Variants in ASCC3 observed in about 807,000 individuals in gnomAD.
ASCC3 encodes the protein ASC-1 complex subunit P200.
Under a neutral mutation model 256.3 loss-of-function variants are expected in ASCC3, and 158 were observed. The ratio of observed to expected loss-of-function variants is 0.62; its 90% CI spans 0.54 to 0.70. The LOEUF is 0.70. ASCC3 is among the 30% of genes least tolerant of loss of function. ASCC3 has a pLI of 0.00. For synonymous variants in ASCC3, 948 were observed against 883.4 expected (o/e 1.07, Z -1.30); for missense variants, 2,259 against 2,626.0 (o/e 0.86, Z 3.05).
chr6:100,761,903 C>T (rs1781438665), intron 10 of ASCC3, among the ~76,000 whole-genome samples: 1 of 152,150 alleles, frequency 6.6e-6, no homozygotes, highest in Non-Finnish European at 1.5e-5. Context: ...TCTCCAACTA[C>T]CCTTTATTCC....
chr6:100,864,032 T>TAAA (rs201325406), intron 3 of ASCC3, 32 bp downstream of exon 3: 40 of 1,194,418 alleles, frequency 3.3e-5, no homozygotes, highest in East Asian at 8.1e-5. Context: ...TGGTTCTCTT[T>TAAA]AAAAAAAAAA....
intron 3 of ASCC3, among the ~76,000 whole-genome samples, chr6:100,855,515 TAA>T (rs938073050): frequency 1.3e-5 from 2 of 152,226 alleles, no homozygotes; most frequent in Non-Finnish European, 2.9e-5. Context: ...TTGATTTTTA[TAA>T]AGTTATCCAG....
At chr6:100,728,017 A>G (rs1380587737) in intron 10 of ASCC3, among the ~76,000 whole-genome samples, 1 of 152,142 alleles carries the variant, frequency 6.6e-6, no homozygotes, top group Non-Finnish European at 1.5e-5. Flanking sequence ...CAAATATAAC[A>G]TTATTCTCTA....
chr6:100,756,609 A>C (rs946907713), intron 10 of ASCC3, among the ~76,000 whole-genome samples: 1 of 152,128 alleles, frequency 6.6e-6, no homozygotes, highest in Non-Finnish European at 1.5e-5. Flanking sequence ...GTAACGTTAT[A>C]CATGTATATA....
chr6:100,627,780 TAAA>T, intron 28 of ASCC3, 59 bp downstream of exon 28: 4 of 1,610,268 alleles, frequency 2.5e-6, no homozygotes, highest in Non-Finnish European at 3.4e-6. Context: ...TAATATCTCT[TAAA>T]AGGAATCATC....
intron 3 of ASCC3, chr6:100,858,457 G>T: frequency 1.8e-6 from 1 of 559,798 alleles, no homozygotes; most frequent in Non-Finnish European, 2.3e-6. Context: ...GTTTTTTATA[G>T]CTACAGCTTA....
At chr6:100,628,100 AAAC>A in intron 27 of ASCC3, 113 bp from the exon 28 acceptor site, 1 of 1,156,464 alleles carries the variant, frequency 8.6e-7, no homozygotes, top group Non-Finnish European at 1.2e-6. Flanking sequence ...ACAAAAAAAA[AAAC>A]AAAAAAAAAG....
At chr6:100,846,513 T>C (rs1238802826) in intron 4 of ASCC3, among the ~76,000 whole-genome samples, 2 of 152,192 alleles carry the variant, frequency 1.3e-5, no homozygotes, top group East Asian at 3.8e-4. Flanking sequence ...TGAACCAGAC[T>C]ATGCAGACTT....
intron 8 of ASCC3, among the ~76,000 whole-genome samples, chr6:100,788,510 C>T (rs768590766): frequency 1.3e-5 from 2 of 151,638 alleles, no homozygotes; most frequent in Non-Finnish European, 2.9e-5. Flanking sequence ...AATACCTGTA[C>T]ATGAACAGTT....
intron 10 of ASCC3, among the ~76,000 whole-genome samples, chr6:100,755,681 G>A (rs1781145536): frequency 6.6e-6 from 1 of 151,912 alleles, no homozygotes. Context: ...CTGTTCTAGA[G>A]TATAATAAAA....
chr6:100,833,959 T>C (rs1039547967), intron 4 of ASCC3, among the ~76,000 whole-genome samples: 4 of 152,058 alleles, frequency 2.6e-5, no homozygotes, highest in Non-Finnish European at 5.9e-5. Flanking sequence ...GTGCCTGTAA[T>C]CCCAGTTACT....
intron 3 of ASCC3, chr6:100,858,592 C>A (rs1455545407): frequency 1.3e-5 from 13 of 986,320 alleles, no homozygotes; most frequent in Non-Finnish European, 1.6e-5. Context: ...TATTACTTTA[C>A]AACAAATCAC....
At chr6:100,570,351 C>A (rs1770522915) in intron 36 of ASCC3, among the ~76,000 whole-genome samples, 1 of 152,170 alleles carries the variant, frequency 6.6e-6, no homozygotes, top group South Asian at 2.1e-4. Context: ...GGCATCCTTG[C>A]CTCATTCCAG....
At chr6:100,676,750 GCACA>G (rs972039297) in intron 14 of ASCC3, among the ~76,000 whole-genome samples, 4 of 115,268 alleles carry the variant, frequency 3.5e-5, no homozygotes, top group Non-Finnish European at 7.3e-5. Flanking sequence ...GCGCGTGCGC[GCACA>G]CACACACTCA....
At chr6:100,741,506 G>A (rs1000717399) in intron 10 of ASCC3, among the ~76,000 whole-genome samples, 1 of 152,024 alleles carries the variant, frequency 6.6e-6, no homozygotes, top group Non-Finnish European at 1.5e-5. Context: ...TCCCCATCTC[G>A]TTTAGGTACC....
At chr6:100,723,846 A>G (rs911675011) in intron 11 of ASCC3, among the ~76,000 whole-genome samples, 1 of 133,326 alleles carries the variant, frequency 7.5e-6, no homozygotes, top group African/African-American at 2.8e-5. Context: ...ATATGGCCAG[A>G]AGTTATTAGG....
chr6:100,579,536 G>A (rs577188346), intron 36 of ASCC3, among the ~76,000 whole-genome samples: 4 of 152,134 alleles, frequency 2.6e-5, no homozygotes, highest in Admixed American at 2.0e-4. Flanking sequence ...TAAGGAAGGG[G>A]TCCTATTTCA....
chr6:100,606,860 C>T lies in ASCC3; in HGVS notation c.4924G>A (p.Val1642Ile), dbSNP rs1772914278. The change falls in exon 32 of 42, where the codon GTT becomes ATT. Residue 1642 changes from valine (V) to isoleucine (I), a missense_variant and splice_region_variant. By Grantham distance (29) the Val-to-Ile change is conservative. Transcript: ENST00000369162. ...GCTAATGTGCTTGTAGCAATAAGAA[C>T]CTAAAAAGCAAAATAAAATATCTTA... ...EELFVNCKVQ[V>I]LIATSTLAWG... 1 of 1,610,984 alleles carries T rather than the reference C, an allele frequency of 6.2e-7. No homozygotes were observed. The highest frequency in any genetic ancestry group is 1.1e-5 in the South Asian group (1 of 90,404).
intron 19 of ASCC3, among the ~76,000 whole-genome samples, chr6:100,651,085 C>A (rs1775646006): frequency 6.6e-6 from 1 of 151,758 alleles, no homozygotes; most frequent in South Asian, 2.1e-4. Context: ...CTTGAATTAT[C>A]TTCAAATGCA....
Sources: gnomAD v4.1 joint callset for allele counts (sites outside exome capture counted in the v4.1 genomes callset) on GRCh38, gnomAD v4.1.1 for gene constraint, MANE v1.5 for transcripts, NCBI Gene and HGNC (gene_info 2026-07-23, HGNC 2026-07-21) for gene names.